The following CTNNA2 variants were observed in gnomAD, a reference collection of about 807,000 sequenced individuals.
CTNNA2 encodes the protein catenin alpha-2.
In CTNNA2, 42 loss-of-function variants were observed where a neutral mutation model predicts 101.0. The ratio of observed to expected loss-of-function variants is 0.42; its 90% CI spans 0.32 to 0.54. The LOEUF (loss-of-function observed/expected upper bound fraction) is 0.54, where lower values mean the gene tolerates loss of function less well. CTNNA2 is among the 20% of genes least tolerant of loss of function. CTNNA2 has a pLI of 0.14. For synonymous variants in CTNNA2, 450 were observed against 456.4 expected (o/e 0.99, Z 0.18); for missense variants, 871 against 1,223.1 (o/e 0.71, Z 4.29).
intron 7 of CTNNA2, among the ~76,000 whole-genome samples, chr2:80,099,077 T>C (rs911969300): frequency 8.6e-5 from 13 of 151,876 alleles, no homozygotes; most frequent in African/African-American, 2.9e-4. Flanking sequence ...AATGCAGAAA[T>C]CACCCGTCTT....
intron 4 of CTNNA2, among the ~76,000 whole-genome samples, chr2:79,480,971 A>C (rs982868792): frequency 2.0e-5 from 3 of 151,950 alleles, no homozygotes; most frequent in Non-Finnish European, 2.9e-5. Context: ...CCTACCTCCA[A>C]ATTAATGTCC....
At chr2:80,368,786 GAAAA>G (rs1675170997) in intron 7 of CTNNA2, among the ~76,000 whole-genome samples, 1 of 142,172 alleles carries the variant, frequency 7.0e-6, no homozygotes, top group African/African-American at 2.7e-5. Flanking sequence ...AAAAAAAAAA[GAAAA>G]GAAAAGAAAA....
chr2:80,055,208 T>A (rs1404492310), intron 7 of CTNNA2, among the ~76,000 whole-genome samples: 1 of 152,066 alleles, frequency 6.6e-6, no homozygotes, highest in East Asian at 1.9e-4. Context: ...TTTTCATTTT[T>A]TTAAGAGATG....
intron 14 of CTNNA2, among the ~76,000 whole-genome samples, chr2:80,588,353 A>T (rs1696149283): frequency 6.6e-6 from 1 of 152,198 alleles, no homozygotes; most frequent in African/African-American, 2.4e-5. Context: ...TGCAAAAAGT[A>T]CACTTGTTTA....
At chr2:79,426,701 G>T (rs1299464752) in intron 4 of CTNNA2, among the ~76,000 whole-genome samples, 1 of 152,054 alleles carries the variant, frequency 6.6e-6, no homozygotes, top group Non-Finnish European at 1.5e-5. Flanking sequence ...TTCACGTTCT[G>T]TTACCTGTAA....
intron 7 of CTNNA2, among the ~76,000 whole-genome samples, chr2:80,050,960 C>T (rs996178292): frequency 3.0e-4 from 45 of 152,130 alleles, no homozygotes; most frequent in African/African-American, 1.1e-3. Context: ...TGGGCTCAAG[C>T]GATTCTCCTG....
chr2:79,219,122 G>A (rs1257491241), intron 2 of CTNNA2, among the ~76,000 whole-genome samples: 2 of 151,992 alleles, frequency 1.3e-5, no homozygotes, highest in East Asian at 3.9e-4. Context: ...CCCTAAAATT[G>A]TACCATGAGC....
At chr2:80,582,163 G>T (rs2149719717) in intron 14 of CTNNA2, among the ~76,000 whole-genome samples, 1 of 152,222 alleles carries the variant, frequency 6.6e-6, no homozygotes, top group East Asian at 1.9e-4. Context: ...CATTGGCACA[G>T]TCACCATTGT....
At chr2:80,444,970 A>G (rs1682944045) in intron 9 of CTNNA2, among the ~76,000 whole-genome samples, 1 of 152,208 alleles carries the variant, frequency 6.6e-6, no homozygotes, top group East Asian at 1.9e-4. Flanking sequence ...CAGTTATGAC[A>G]ACCAAAAATA....
intron 4 of CTNNA2, among the ~76,000 whole-genome samples, chr2:79,434,744 G>C (rs149809278): frequency 2.0e-5 from 3 of 152,270 alleles, no homozygotes; most frequent in East Asian, 3.9e-4. Context: ...AGAATACATG[G>C]GGACCAGAAG....
chr2:80,501,809 C>T (rs1184046474), intron 9 of CTNNA2, among the ~76,000 whole-genome samples: 2 of 152,068 alleles, frequency 1.3e-5, no homozygotes, highest in Non-Finnish European at 2.9e-5. Flanking sequence ...GACCATCCAT[C>T]CTTAAAGGGG....
intron 2 of CTNNA2, among the ~76,000 whole-genome samples, chr2:79,248,870 C>A (rs1040207225): frequency 1.3e-4 from 20 of 152,202 alleles, no homozygotes; most frequent in African/African-American, 3.9e-4. Flanking sequence ...CCCTTCCCTT[C>A]CCTTTTAAAT....
At position 79,875,976 on chromosome 2, in the gene CTNNA2, GT is replaced by G. The variant is rs1426565919; in HGVS notation, c.852+1636del. ...TCACAAAACAAATAATTTTTAAAAA[GT>G]TAATTTTATTTTATTATTTCTTATA... On this transcript the variant is annotated intron_variant, in intron 6 of 18. Transcript: ENST00000402739. Among the ~76,000 whole-genome samples, 4 of 151,762 alleles carry G rather than the reference GT, an allele frequency of 2.6e-5. No individual in the cohort carries two copies. In the East Asian group the frequency reaches 7.9e-4, roughly 30 times the overall value.
chr2:80,197,266 T>C (rs980740), intron 7 of CTNNA2, among the ~76,000 whole-genome samples: 2,317 of 152,280 alleles, frequency 0.015, 67 homozygotes, highest in African/African-American at 0.052. Context: ...ACCCAAATCT[T>C]AGCAAATTGA....
chr2:80,322,522 GCTGCCTGCA>G (rs1678804064), intron 7 of CTNNA2, among the ~76,000 whole-genome samples: 1 of 151,686 alleles, frequency 6.6e-6, no homozygotes, highest in Admixed American at 6.6e-5. Flanking sequence ...TCCCCGCGGG[GCTGCCTGCA>G]GCCCCCGGGC....
chr2:80,363,880 C>G (rs1674654613), intron 7 of CTNNA2, among the ~76,000 whole-genome samples: 1 of 152,228 alleles, frequency 6.6e-6, no homozygotes, highest in African/African-American at 2.4e-5. Flanking sequence ...TCTCCCAATA[C>G]CATTAATTAA....
intron 4 of CTNNA2, among the ~76,000 whole-genome samples, chr2:79,401,008 T>A (rs1678284441): frequency 6.6e-6 from 1 of 151,900 alleles, no homozygotes. Context: ...CTAGCAAAAC[T>A]ATTTTTCAAA....
At chr2:80,239,480 G>A (rs1709727125) in intron 7 of CTNNA2, among the ~76,000 whole-genome samples, 1 of 152,168 alleles carries the variant, frequency 6.6e-6, no homozygotes, top group Non-Finnish European at 1.5e-5. Context: ...CGGGGAATAC[G>A]TTCCAAGCCC....
intron 7 of CTNNA2, among the ~76,000 whole-genome samples, chr2:80,225,856 A>G (rs189171205): frequency 2.6e-4 from 40 of 152,276 alleles, no homozygotes; most frequent in African/African-American, 9.4e-4. Flanking sequence ...TTTCCTTTGG[A>G]TGTACTATTA....
Sources: allele counts gnomAD v4.1 joint callset (sites outside exome capture counted in the v4.1 genomes callset), GRCh38; gene constraint gnomAD v4.1.1; transcripts MANE v1.5; gene names NCBI Gene and HGNC (gene_info 2026-07-23, HGNC 2026-07-21).